The following NEGR1 variants were observed in gnomAD, a reference collection of about 807,000 sequenced individuals.
The protein encoded by NEGR1 is IgLON family member 4.
A neutral mutation model predicts 40.9 loss-of-function variants in NEGR1; 10 were observed. That is an observed-to-expected ratio of 0.24 (90% CI 0.15 to 0.42). The LOEUF (loss-of-function observed/expected upper bound fraction) is 0.42, where lower values mean the gene tolerates loss of function less well. Ranked by LOEUF, NEGR1 falls within the 10% of genes least tolerant of loss-of-function variation. The pLI is 1.00. For synonymous variants in NEGR1, 185 were observed against 166.8 expected (o/e 1.11, Z -0.84); for missense variants, 352 against 438.9 (o/e 0.80, Z 1.77).
At chr1:71,818,735 G>T (rs952664072) in intron 2 of NEGR1, among the ~76,000 whole-genome samples, 13 of 151,830 alleles carry the variant, frequency 8.6e-5, no homozygotes, top group Non-Finnish European at 2.9e-5. Context: ...AATAAACTAT[G>T]TATAAAATCC....
chr1:71,666,529 T>C (rs1038476987), intron 4 of NEGR1, among the ~76,000 whole-genome samples: 1 of 152,176 alleles, frequency 6.6e-6, no homozygotes, highest in Non-Finnish European at 1.5e-5. Context: ...ATAGGCAGTG[T>C]TTACCTTTGG....
chr1:71,513,747 C>G (rs914205943), intron 6 of NEGR1, among the ~76,000 whole-genome samples: 6 of 152,126 alleles, frequency 3.9e-5, no homozygotes, highest in South Asian at 2.1e-4. Flanking sequence ...TGAACAGCTC[C>G]GGTCTACAGC....
chr1:71,599,150 T>C (rs1411013142), intron 5 of NEGR1, among the ~76,000 whole-genome samples: 3 of 152,224 alleles, frequency 2.0e-5, no homozygotes, highest in Non-Finnish European at 4.4e-5. Flanking sequence ...TTTTTAAAAA[T>C]ATTTAATGTG....
intron 6 of NEGR1, among the ~76,000 whole-genome samples, chr1:71,539,363 T>C (rs1048628174): frequency 1.3e-5 from 2 of 151,740 alleles, no homozygotes; most frequent in Non-Finnish European, 2.9e-5. Flanking sequence ...ATTAATCTAC[T>C]AAACAGATTG....
At chr1:71,419,747 C>T (rs966045891) in intron 6 of NEGR1, among the ~76,000 whole-genome samples, 1 of 151,948 alleles carries the variant, frequency 6.6e-6, no homozygotes, top group Non-Finnish European at 1.5e-5. Context: ...TCCTCTGCAA[C>T]CTTGAAATGT....
At position 71,574,426 on chromosome 1, in the gene NEGR1, A is replaced by T. The variant is rs370591305; in HGVS notation, c.940+18391T>A. Among the ~76,000 whole-genome samples the T allele has an allele frequency of 2.0e-5, 3 of 152,180 alleles. No homozygotes were observed. In the East Asian group the frequency reaches 5.8e-4, roughly 29 times the overall value. On this transcript the variant is annotated intron_variant, in intron 6 of 6. Coordinates refer to ENST00000357731, the MANE Select transcript of NEGR1 (RefSeq NM_173808.3). ...TGCAGTTATTGACTCAGATTTCTAC[A>T]GTCTTTTTTAGCACAGTTGCAAAAA... is the stretch of plus-strand genomic sequence containing the variant.
chr1:71,986,940 T>C (rs529247593), intron 1 of NEGR1, among the ~76,000 whole-genome samples: 2 of 152,312 alleles, frequency 1.3e-5, no homozygotes, highest in South Asian at 4.1e-4. Context: ...TATAATAATC[T>C]ACAAAAGTGA....
rs1557613864 is a variant in NEGR1, at chr1:71,688,403, T to TATATAAAAGATATATATAA, written c.667+9604_667+9605insTTATATATATCTTTTATAT. On this transcript the variant is annotated intron_variant, in intron 4 of 6. Coordinates refer to ENST00000357731, the MANE Select transcript of NEGR1 (RefSeq NM_173808.3). ...ATAAAAGATATATAAAATATATATA[T>TATATAAAAGATATATATAA]AAGATATATATAAAAGATATATATA... Among the ~76,000 whole-genome samples, 20 of 30,138 alleles carry TATATAAAAGATATATATAA rather than the reference T, an allele frequency of 6.6e-4. 3 individuals carry two copies. Among genetic ancestry groups the TATATAAAAGATATATATAA allele is most frequent in the Admixed American group, 1.9e-3 (3 of 1,548 alleles). 19.8% of individuals were successfully genotyped at this position (30,138 alleles called of 152,430 possible). A position where few individuals can be genotyped will look rare whatever the true frequency, so the allele number is the denominator to read the frequency against.
intron 1 of NEGR1, among the ~76,000 whole-genome samples, chr1:72,104,848 A>T (rs1446555340): frequency 6.6e-6 from 1 of 152,166 alleles, no homozygotes; most frequent in Non-Finnish European, 1.5e-5. Flanking sequence ...ATTTGTAAAC[A>T]AACACAACTA....
At chr1:71,435,760 A>G (rs962565177) in intron 6 of NEGR1, among the ~76,000 whole-genome samples, 3 of 152,330 alleles carry the variant, frequency 2.0e-5, no homozygotes, top group South Asian at 4.1e-4. Context: ...GGACAATGAG[A>G]ACACTTTTCT....
rs1161637463 is a variant in NEGR1 at position 71,687,763 on chromosome 1, A to C, written c.667+10245T>G. ...CTGCAGAGTTTACTATCTTTCTAAA[A>C]GTCTCCCTAGTTTACACAGTTTGTT... is the stretch of plus-strand genomic sequence containing the variant. On this transcript the variant is annotated intron_variant, in intron 4 of 6. Coordinates refer to ENST00000357731, the MANE Select transcript of NEGR1 (RefSeq NM_173808.3). Among the ~76,000 whole-genome samples the C allele has an allele frequency of 2.0e-5, 3 of 152,154 alleles. No homozygotes were observed. The East Asian group carries it at 5.8e-4, about 29-fold the overall frequency.
chr1:72,070,221 T>C (rs1470987784), intron 1 of NEGR1, among the ~76,000 whole-genome samples: 1 of 152,066 alleles, frequency 6.6e-6, no homozygotes, highest in African/African-American at 2.4e-5. Flanking sequence ...GGAAAGTAGA[T>C]TGGCTGCATT....
intron 1 of NEGR1, among the ~76,000 whole-genome samples, chr1:72,199,965 C>A (rs1433205111): frequency 1.3e-5 from 2 of 151,846 alleles, no homozygotes; most frequent in Non-Finnish European, 2.9e-5. Context: ...CAAATCAAAA[C>A]CACAATGAGA....
intron 1 of NEGR1, among the ~76,000 whole-genome samples, chr1:72,098,552 C>T (rs1350333270): frequency 6.6e-6 from 1 of 152,128 alleles, no homozygotes; most frequent in Non-Finnish European, 1.5e-5. Flanking sequence ...ACTATTATGT[C>T]ATAACTCTGC....
At chr1:71,895,411 C>G (rs987836748) in intron 2 of NEGR1, among the ~76,000 whole-genome samples, 2 of 152,126 alleles carry the variant, frequency 1.3e-5, no homozygotes, top group Non-Finnish European at 2.9e-5. Flanking sequence ...ATATTTTCAT[C>G]ACTCCCAAAA....
At chr1:71,839,363 C>T (rs1261652950) in intron 2 of NEGR1, among the ~76,000 whole-genome samples, 1 of 151,668 alleles carries the variant, frequency 6.6e-6, no homozygotes, top group Non-Finnish European at 1.5e-5. Flanking sequence ...GCCACCACAT[C>T]CAGCTAATTG....
intron 2 of NEGR1, among the ~76,000 whole-genome samples, chr1:71,792,360 G>C (rs1657147881): frequency 6.6e-6 from 1 of 152,120 alleles, no homozygotes; most frequent in Non-Finnish European, 1.5e-5. Flanking sequence ...TATGCATCCA[G>C]ATTGATGTGT....
chr1:71,738,784 T>A (rs1437360866), intron 3 of NEGR1, among the ~76,000 whole-genome samples: 2 of 152,060 alleles, frequency 1.3e-5, no homozygotes, highest in Non-Finnish European at 2.9e-5. Context: ...TTAAAAAATG[T>A]TTCTGGGACC....
chr1:72,229,587 T>C (rs1654295167), intron 1 of NEGR1, among the ~76,000 whole-genome samples: 3 of 150,862 alleles, frequency 2.0e-5, no homozygotes, highest in Admixed American at 6.6e-5. Context: ...ATCTGGAAAA[T>C]ATACTTAAAA....
Sources: allele counts gnomAD v4.1 joint callset (sites outside exome capture counted in the v4.1 genomes callset), GRCh38; gene constraint gnomAD v4.1.1; transcripts MANE v1.5; gene names NCBI Gene and HGNC (gene_info 2026-07-23, HGNC 2026-07-21).